PSD3: variants seen among roughly 807,000 people sequenced by gnomAD.
PSD3 encodes pleckstrin and Sec7 domain containing 3, also known as PH and SEC7 domain-containing protein 3.
PSD3 carries 49 observed loss-of-function variants against 105.5 expected under a neutral mutation model. The observed-to-expected ratio is 0.46, with a 90% CI of 0.37 to 0.59. The LOEUF is 0.59. PSD3 is among the 20% of genes least tolerant of loss of function. The pLI is 0.00. For missense variants in PSD3, 1,561 were observed against 1,263.8 expected (o/e 1.24, Z -3.57); for synonymous variants, 557 against 457.8 (o/e 1.22, Z -2.77).
intron 2 of PSD3, among the ~76,000 whole-genome samples, chr8:18,881,021 T>A (rs1818066233): frequency 6.6e-6 from 1 of 152,204 alleles, no homozygotes; most frequent in South Asian, 2.1e-4. Context: ...ATACAGGTAC[T>A]TTTTGGAGGT....
intron 1 of PSD3, among the ~76,000 whole-genome samples, chr8:18,963,384 T>G (rs983308455): frequency 2.0e-5 from 3 of 152,230 alleles, no homozygotes; most frequent in African/African-American, 7.2e-5. Context: ...CCTTCAAAAC[T>G]TTTCTCATGC....
At chr8:18,988,515 G>GTC (rs1825625835) in intron 1 of PSD3, among the ~76,000 whole-genome samples, 1 of 152,158 alleles carries the variant, frequency 6.6e-6, no homozygotes, top group East Asian at 1.9e-4. Context: ...ACAGCACTTA[G>GTC]GAAATGGTTT....
At chr8:18,799,210 G>C (rs1563282367) in intron 8 of PSD3, 85 bp downstream of exon 8, 2 of 1,199,220 alleles carry the variant, frequency 1.7e-6, no homozygotes, top group African/African-American at 1.5e-5. Flanking sequence ...GGGAAACGGG[G>C]AGGCAGAAAA....
chr8:18,638,672 A>G (rs1265965995), intron 10 of PSD3, among the ~76,000 whole-genome samples: 2 of 152,218 alleles, frequency 1.3e-5, no homozygotes, highest in African/African-American at 4.8e-5. Flanking sequence ...GAACTGGAAG[A>G]ATTAATATTG....
At chr8:18,736,236 C>T (rs999477732) in intron 9 of PSD3, among the ~76,000 whole-genome samples, 1 of 152,142 alleles carries the variant, frequency 6.6e-6, no homozygotes, top group Non-Finnish European at 1.5e-5. Context: ...CTAGCTCTGC[C>T]ACTTACTGTG....
At chr8:18,762,445 C>G (rs1220740318) in intron 9 of PSD3, among the ~76,000 whole-genome samples, 1 of 152,194 alleles carries the variant, frequency 6.6e-6, no homozygotes, top group Non-Finnish European at 1.5e-5. Context: ...TACTCAGTAT[C>G]AGGTATTTGT....
chr8:18,718,447 G>T (rs1428884341), intron 9 of PSD3, among the ~76,000 whole-genome samples: 1 of 152,234 alleles, frequency 6.6e-6, no homozygotes, highest in Admixed American at 6.5e-5. Context: ...TTACAAAGAG[G>T]TTAGATCATT....
At chr8:18,672,455 G>A (rs1799837301) in intron 9 of PSD3, among the ~76,000 whole-genome samples, 1 of 152,000 alleles carries the variant, frequency 6.6e-6, no homozygotes, top group Non-Finnish European at 1.5e-5. Context: ...CAAACCAAAT[G>A]GAAATAGGTT....
At chr8:18,685,215 G>T (rs1800600245) in intron 9 of PSD3, among the ~76,000 whole-genome samples, 1 of 151,922 alleles carries the variant, frequency 6.6e-6, no homozygotes, top group African/African-American at 2.4e-5. Flanking sequence ...GCAACGCACT[G>T]GTGTTCTTGA....
intron 9 of PSD3, among the ~76,000 whole-genome samples, chr8:18,731,927 T>C (rs13265655): frequency 0.94 from 143,335 of 152,250 alleles, 67,565 homozygotes; most frequent in Middle Eastern, 0.96. Flanking sequence ...CACAGCTATT[T>C]GAGGAGTCTG....
At chr8:18,858,746 TA>T (rs1205907156) in intron 4 of PSD3, among the ~76,000 whole-genome samples, 1 of 152,224 alleles carries the variant, frequency 6.6e-6, no homozygotes, top group African/African-American at 2.4e-5. Flanking sequence ...ATTAAAGTTT[TA>T]TCATGACACT....
At chr8:18,885,124 T>C (rs553245674) in intron 2 of PSD3, among the ~76,000 whole-genome samples, 91 of 152,332 alleles carry the variant, frequency 6.0e-4, no homozygotes, top group African/African-American at 2.0e-3. Context: ...TGGTTTTTTA[T>C]ATCCACATCT....
At chr8:19,079,906 T>C (rs76492469) in intron 1 of PSD3, among the ~76,000 whole-genome samples, 1 of 151,696 alleles carries the variant, frequency 6.6e-6, no homozygotes, top group East Asian at 1.9e-4. Flanking sequence ...TTTTTTTTTT[T>C]TGAGACAGAG....
At chr8:18,586,989 C>T (rs546737586) in intron 12 of PSD3, among the ~76,000 whole-genome samples, 7 of 152,198 alleles carry the variant, frequency 4.6e-5, no homozygotes, top group Admixed American at 4.6e-4. Flanking sequence ...CCCTGTTACA[C>T]AGGAGGCCAA....
intron 10 of PSD3, among the ~76,000 whole-genome samples, chr8:18,639,753 T>C (rs954495807): frequency 6.6e-6 from 1 of 152,154 alleles, no homozygotes; most frequent in African/African-American, 2.4e-5. Context: ...TAAAGCCCAT[T>C]TGTGGCATTT....
intron 10 of PSD3, among the ~76,000 whole-genome samples, chr8:18,648,390 G>C (rs11989314): frequency 0.014 from 2,115 of 152,310 alleles, 51 homozygotes; most frequent in African/African-American, 0.047. Context: ...AAAGAACTTG[G>C]AGGCACTGTG....
chr8:19,028,987 A>C (rs334194), intron 1 of PSD3, among the ~76,000 whole-genome samples: 45,318 of 151,992 alleles, frequency 0.3, 8,042 homozygotes, highest in East Asian at 0.4. Flanking sequence ...ATATATGTGA[A>C]CTACTTTTGA....
chr8:19,016,059 A>G (rs1827169550), upstream of PSD3, among the ~76,000 whole-genome samples: 1 of 152,264 alleles, frequency 6.6e-6, no homozygotes, highest in South Asian at 2.1e-4. Flanking sequence ...AAATCAAATA[A>G]ACATTGACAT....
rs1056661017 is a variant in PSD3, at chr8:18,979,451, T to C, written c.21+34112A>G. Among the ~76,000 whole-genome samples the C allele has an allele frequency of 3.3e-5, 5 of 152,202 alleles. No individual in the cohort carries two copies. The South Asian group carries it at 1.0e-3, about 32-fold the overall frequency. ...ATTTGGATTAATAGAATCAATAGTA[T>C]CTTTCATTCCAAAACCAGAAATTGC... On this transcript the variant is annotated intron_variant, in intron 1 of 15. Coordinates refer to ENST00000327040, the MANE Select transcript of PSD3 (RefSeq NM_015310.4).
Sources: allele counts gnomAD v4.1 joint callset (sites outside exome capture counted in the v4.1 genomes callset), GRCh38; gene constraint gnomAD v4.1.1; transcripts MANE v1.5; gene names NCBI Gene and HGNC (gene_info 2026-07-23, HGNC 2026-07-21).